ST8SIA5: variants seen among roughly 807,000 people sequenced by gnomAD.
The protein encoded by ST8SIA5 is ST8 alpha-N-acetyl-neuraminide alpha-2,8-sialyltransferase 5.
In ST8SIA5, 24 loss-of-function variants were observed where a neutral mutation model predicts 40.2. That is an observed-to-expected ratio of 0.60 (90% CI 0.43 to 0.84). ST8SIA5 has a LOEUF of 0.84. ST8SIA5 is among the 40% of genes least tolerant of loss of function. The pLI, the probability that ST8SIA5 is intolerant of heterozygous loss-of-function variation, is 0.00. For synonymous variants in ST8SIA5, 198 were observed against 201.8 expected (o/e 0.98, Z 0.16); for missense variants, 465 against 498.5 (o/e 0.93, Z 0.64).
At chr18:46,680,856 A>G (rs1469081285) in intron 6 of ST8SIA5, among the ~76,000 whole-genome samples, 1 of 152,222 alleles carries the variant, frequency 6.6e-6, no homozygotes, top group Non-Finnish European at 1.5e-5. Flanking sequence ...TAGAGGCCTC[A>G]CGCCATTCAC....
At chr18:46,752,337 G>A (rs1469629750) in intron 1 of ST8SIA5, among the ~76,000 whole-genome samples, 1 of 152,118 alleles carries the variant, frequency 6.6e-6, no homozygotes. Flanking sequence ...GGAGACCCTG[G>A]ACTGTGCCTG....
intron 1 of ST8SIA5, among the ~76,000 whole-genome samples, chr18:46,716,200 C>T (rs1482692970): frequency 3.3e-5 from 5 of 152,136 alleles, no homozygotes; most frequent in South Asian, 2.1e-4. Flanking sequence ...TAAATTTCCT[C>T]ATCTATAAAA....
At chr18:46,754,533 A>G (rs4449041) in intron 1 of ST8SIA5, among the ~76,000 whole-genome samples, 36,835 of 152,088 alleles carry the variant, frequency 0.24, 5,143 homozygotes, top group African/African-American at 0.38. Flanking sequence ...CGCTTCCAGG[A>G]TCAGCCCTAT....
At chr18:46,688,257 C>T (rs2039467741) in intron 4 of ST8SIA5, among the ~76,000 whole-genome samples, 1 of 152,172 alleles carries the variant, frequency 6.6e-6, no homozygotes, top group South Asian at 2.1e-4. Flanking sequence ...TTTAGAAGTT[C>T]TGTTATAATC....
chr18:46,700,703 C>T (rs1045252388), intron 2 of ST8SIA5, among the ~76,000 whole-genome samples: 8 of 151,272 alleles, frequency 5.3e-5, no homozygotes, highest in African/African-American at 2.0e-4. Context: ...AGCCAGGGGC[C>T]CCAGCTAGGA....
intron 1 of ST8SIA5, among the ~76,000 whole-genome samples, chr18:46,739,534 G>A (rs890754557): frequency 6.6e-6 from 1 of 152,126 alleles, no homozygotes; most frequent in African/African-American, 2.4e-5. Context: ...ACTCCACCTC[G>A]AAAAAAATAG....
intron 1 of ST8SIA5, among the ~76,000 whole-genome samples, chr18:46,729,336 CT>C (rs2039963353): frequency 6.6e-6 from 1 of 151,658 alleles, no homozygotes; most frequent in South Asian, 2.1e-4. Flanking sequence ...CCCAAATTGT[CT>C]TTCTCAAAGT....
Position 46,679,816 on chromosome 18 carries a change from G to C in ST8SIA5, c.*226C>G. 1.7e-6 allele frequency: 1 copy of C among 576,342 alleles called. No individual in the cohort carries two copies. Among genetic ancestry groups the C allele is most frequent in the East Asian group, 2.9e-5 (1 of 34,322 alleles). 35.7% of individuals were successfully genotyped at this position (576,342 alleles called of 1,614,324 possible). A position where few individuals can be genotyped will look rare whatever the true frequency, so the allele number is the denominator to read the frequency against. On this transcript the variant is annotated 3_prime_UTR_variant, in exon 7 of 7. Coordinates refer to ENST00000315087, the MANE Select transcript of ST8SIA5 (RefSeq NM_013305.6). ...GCCAGGGCAGGTGGACGCACTGGGCGGATGCACCGGTGGGGGCCAGGCCAG... is the reference window on the plus strand; with the variant it reads ...GCCAGGGCAGGTGGACGCACTGGGCCGATGCACCGGTGGGGGCCAGGCCAG...
At chr18:46,720,130 T>C (rs1460519041) in intron 1 of ST8SIA5, among the ~76,000 whole-genome samples, 1 of 152,144 alleles carries the variant, frequency 6.6e-6, no homozygotes, top group Non-Finnish European at 1.5e-5. Flanking sequence ...TGAGCCACCA[T>C]GCTTGGCTTT....
Position 46,673,978 on chromosome 18 carries a change from A to T in ST8SIA5, c.*6064T>A, listed in dbSNP as rs2039324677. 1 of 152,208 alleles carries T rather than the reference A, an allele frequency of 6.6e-6. No homozygotes were observed. The highest frequency in any genetic ancestry group is 6.5e-5 in the Admixed American group (1 of 15,280). 9.4% of individuals were successfully genotyped at this position (152,208 alleles called of 1,614,324 possible). A position where few individuals can be genotyped will look rare whatever the true frequency, so the allele number is the denominator to read the frequency against. ...GGGCGTGTGTTGAGCTCAGAGAAGC[A>T]GCACCTTTTTTCCCCCAGGAAACAA... On this transcript the variant is annotated 3_prime_UTR_variant, in exon 7 of 7. Transcript: ENST00000315087.
chr18:46,729,865 C>A (rs3893059), intron 1 of ST8SIA5, among the ~76,000 whole-genome samples: 192 of 46,382 alleles, frequency 4.1e-3, no homozygotes, highest in Admixed American at 0.035. Context: ...CAGGTGGGGT[C>A]CTCGGAAGAG....
intron 1 of ST8SIA5, among the ~76,000 whole-genome samples, chr18:46,747,359 T>C (rs972386254): frequency 1.2e-4 from 19 of 152,066 alleles, no homozygotes; most frequent in Non-Finnish European, 2.4e-4. Context: ...ACAAAGAATT[T>C]AAACAAATTT....
At chr18:46,721,428 T>C (rs748099298) in intron 1 of ST8SIA5, 235 of 1,535,952 alleles carry the variant, frequency 1.5e-4, no homozygotes, top group Non-Finnish European at 2.0e-4. Flanking sequence ...CCCCGTCCAA[T>C]TGGTCAGCTG....
chr18:46,743,556 G>C, intron 1 of ST8SIA5, among the ~76,000 whole-genome samples: 1 of 152,158 alleles, frequency 6.6e-6, no homozygotes, highest in East Asian at 1.9e-4. Flanking sequence ...CAAGAAATAT[G>C]GGACTATGTG....
chr18:46,718,077 C>T (rs2039810677), intron 1 of ST8SIA5, among the ~76,000 whole-genome samples: 1 of 152,040 alleles, frequency 6.6e-6, no homozygotes, highest in Non-Finnish European at 1.5e-5. Context: ...GCCTGTAATC[C>T]CAGCACCTTG....
chr18:46,756,278 C>T, intron 1 of ST8SIA5, 100 bp downstream of exon 1: 1 of 1,512,802 alleles, frequency 6.6e-7, no homozygotes, highest in East Asian at 2.4e-5. Flanking sequence ...CCCACGGCCA[C>T]TCACCCCGGG....
chr18:46,747,930 A>G (rs181667165), intron 1 of ST8SIA5, among the ~76,000 whole-genome samples: 300 of 152,346 alleles, frequency 2.0e-3, no homozygotes, highest in Non-Finnish European at 3.2e-3. Flanking sequence ...AGGGACGTGG[A>G]TGAAGCTGGA....
At chr18:46,749,438 T>C (rs939349705) in intron 1 of ST8SIA5, among the ~76,000 whole-genome samples, 1 of 152,178 alleles carries the variant, frequency 6.6e-6, no homozygotes, top group Non-Finnish European at 1.5e-5. Context: ...CCGACACTTT[T>C]ATTGAATATT....
intron 1 of ST8SIA5, among the ~76,000 whole-genome samples, chr18:46,742,478 C>T (rs2040096898): frequency 6.6e-6 from 1 of 151,604 alleles, no homozygotes; most frequent in South Asian, 2.1e-4. Context: ...AACTTTTGTG[C>T]TTCAAAGGAA....
Sources: gnomAD v4.1 joint callset for allele counts (sites outside exome capture counted in the v4.1 genomes callset) on GRCh38, gnomAD v4.1.1 for gene constraint, MANE v1.5 for transcripts, NCBI Gene and HGNC (gene_info 2026-07-23, HGNC 2026-07-21) for gene names.